The following DLG2 variants were observed in gnomAD, a reference collection of about 807,000 sequenced individuals.
The protein encoded by DLG2 is discs large MAGUK scaffold protein 2.
DLG2 carries 45 observed loss-of-function variants against 132.5 expected under a neutral mutation model. The ratio of observed to expected loss-of-function variants is 0.34; its 90% CI spans 0.27 to 0.44. DLG2 has a LOEUF of 0.44. Among genes scored for constraint, DLG2 ranks in the 20% least tolerant of loss-of-function variants. The probability of loss-of-function intolerance (pLI) is 1.00; values close to 1 mark genes in which losing one functional copy is unlikely to be tolerated. For missense variants in DLG2, 1,045 were observed against 1,196.9 expected, an observed-to-expected ratio of 0.87 and a Z score of 1.87; for synonymous variants, 424 against 419.6, an observed-to-expected ratio of 1.01 and a Z score of -0.13.
At chr11:84,568,251 G>A (rs2099465448) in intron 6 of DLG2, among the ~76,000 whole-genome samples, 1 of 152,254 alleles carries the variant, frequency 6.6e-6, no homozygotes, top group Admixed American at 6.5e-5. Context: ...GCTCACGCCT[G>A]TAATCCCAGC....
intron 18 of DLG2, among the ~76,000 whole-genome samples, chr11:83,753,846 T>C (rs550239890): frequency 1.7e-4 from 2 of 11,586 alleles, no homozygotes; most frequent in African/African-American, 4.9e-4. Flanking sequence ...ATATATATCA[T>C]ATATATCATA....
At chr11:83,837,261 C>G (rs1349216992) in intron 16 of DLG2, among the ~76,000 whole-genome samples, 1 of 152,108 alleles carries the variant, frequency 6.6e-6, no homozygotes, top group Non-Finnish European at 1.5e-5. Flanking sequence ...TGCCAACTAA[C>G]GCCACCTCAT....
intron 18 of DLG2, among the ~76,000 whole-genome samples, chr11:83,769,248 C>T (rs2094278385): frequency 6.6e-6 from 1 of 152,170 alleles, no homozygotes; most frequent in South Asian, 2.1e-4. Context: ...GACTAGCCAT[C>T]AGCTTCTCCA....
intron 6 of DLG2, among the ~76,000 whole-genome samples, chr11:84,735,437 A>G (rs1271007686): frequency 1.3e-5 from 2 of 152,134 alleles, no homozygotes; most frequent in Non-Finnish European, 2.9e-5. Context: ...AGGTGTTTAT[A>G]GTATTCTCTG....
chr11:84,689,920 CA>C (rs2057822327), intron 6 of DLG2, among the ~76,000 whole-genome samples: 1 of 151,726 alleles, frequency 6.6e-6, no homozygotes, highest in South Asian at 2.1e-4. Context: ...AATTAATAGT[CA>C]AAAAATATTT....
chr11:83,480,624 T>A, intron 22 of DLG2: 1 of 1,557,440 alleles, frequency 6.4e-7, no homozygotes, highest in Admixed American at 1.9e-5. Context: ...TTGCTGTTTC[T>A]TCTTTTTAGC....
intron 6 of DLG2, among the ~76,000 whole-genome samples, chr11:84,649,168 A>G (rs1233607789): frequency 6.6e-6 from 1 of 152,070 alleles, no homozygotes; most frequent in Non-Finnish European, 1.5e-5. Context: ...CTGGATCTTG[A>G]GTACTGCCAT....
chr11:84,184,434 A>G (rs2096230875), intron 8 of DLG2, among the ~76,000 whole-genome samples: 1 of 150,752 alleles, frequency 6.6e-6, no homozygotes, highest in Admixed American at 6.6e-5. Context: ...TTTTTCTTGT[A>G]AATTTGTTTG....
intron 7 of DLG2, among the ~76,000 whole-genome samples, chr11:84,443,180 G>A (rs1446726221): frequency 6.6e-6 from 1 of 151,934 alleles, no homozygotes; most frequent in Non-Finnish European, 1.5e-5. Context: ...TCTTTCATAT[G>A]TTTAATCATA....
intron 6 of DLG2, among the ~76,000 whole-genome samples, chr11:84,711,330 A>AAGAGAG (rs760750088): frequency 0.016 from 782 of 48,466 alleles, 105 homozygotes; most frequent in East Asian, 0.031. Context: ...CAGAACCAGT[A>AAGAGAG]AGAGAGAGAG....
chr11:84,255,115 G>C (rs1366596173), intron 7 of DLG2, among the ~76,000 whole-genome samples: 1 of 152,126 alleles, frequency 6.6e-6, no homozygotes, highest in Admixed American at 6.5e-5. Flanking sequence ...TGGCCTATGA[G>C]TGTGCTCTTC....
At chr11:85,000,723 A>T (rs570270964) in intron 6 of DLG2, among the ~76,000 whole-genome samples, 3 of 152,108 alleles carry the variant, frequency 2.0e-5, no homozygotes, top group Non-Finnish European at 4.4e-5. Context: ...TACGTATTTC[A>T]TCATTAACCA....
At chr11:83,843,612 C>T (rs1014585047) in intron 16 of DLG2, among the ~76,000 whole-genome samples, 20 of 84,744 alleles carry the variant, frequency 2.4e-4, no homozygotes, top group African/African-American at 7.2e-4. Flanking sequence ...GTTTCATGAA[C>T]GGAAAAAAAA....
At chr11:84,005,391 A>G (rs1028070938) in intron 11 of DLG2, among the ~76,000 whole-genome samples, 3 of 151,990 alleles carry the variant, frequency 2.0e-5, no homozygotes, top group Non-Finnish European at 4.4e-5. Context: ...AAATTATAAA[A>G]CTCACAGAAG....
chr11:84,049,748 G>T (rs993869005), intron 11 of DLG2, among the ~76,000 whole-genome samples: 2 of 151,752 alleles, frequency 1.3e-5, no homozygotes, highest in South Asian at 4.1e-4. Context: ...ATGCCCTATG[G>T]GTTACTTGGC....
chr11:85,323,354 AT>A (rs1381797870), intron 3 of DLG2, among the ~76,000 whole-genome samples: 2 of 152,224 alleles, frequency 1.3e-5, no homozygotes, highest in Non-Finnish European at 2.9e-5. Context: ...TACTTATTAA[AT>A]GCCCTTCTTT....
chr11:84,671,992 T>C lies in DLG2; in HGVS notation c.358-137261A>G, dbSNP rs1374938279. Among the ~76,000 whole-genome samples, 9 of 152,292 alleles carry C rather than the reference T, an allele frequency of 5.9e-5. No individual in the cohort carries two copies. The East Asian group carries it at 1.4e-3, about 23-fold the overall frequency. On this transcript the variant is annotated intron_variant, in intron 6 of 27. Transcript: ENST00000376104. ...TATATAAGTATCTAGCTCTGTGAGCTTGGACAAGTCTATCAGTTATCCAGA... is the reference window on the plus strand; with the variant it reads ...TATATAAGTATCTAGCTCTGTGAGCCTGGACAAGTCTATCAGTTATCCAGA...
At chr11:84,172,046 C>G (rs968665778) in intron 8 of DLG2, among the ~76,000 whole-genome samples, 1 of 152,138 alleles carries the variant, frequency 6.6e-6, no homozygotes, top group Non-Finnish European at 1.5e-5. Flanking sequence ...CATAACAGTT[C>G]TGTACTTACA....
chr11:84,418,127 CT>C lies in DLG2; in HGVS notation c.519+116442del, dbSNP rs554564182. 4.3e-3 allele frequency among the ~76,000 whole-genome samples: 659 copies of C among 152,240 alleles called. 12 individuals are homozygous for C. Among genetic ancestry groups the C allele is most frequent in the African/African-American group, 0.015 (607 of 41,528 alleles). On this transcript the variant is annotated intron_variant, in intron 7 of 27. Transcript: ENST00000376104. ...GTGATTGGTTCATATTTCAAAAGCACTTTAAAAGGAGTTTGCATATGGTGCT... is the reference window on the plus strand; with the variant it reads ...GTGATTGGTTCATATTTCAAAAGCACTTAAAAGGAGTTTGCATATGGTGCT...
Sources: allele counts gnomAD v4.1 joint callset (sites outside exome capture counted in the v4.1 genomes callset), GRCh38; gene constraint gnomAD v4.1.1; transcripts MANE v1.5; gene names NCBI Gene and HGNC (gene_info 2026-07-23, HGNC 2026-07-21).